The following PDE4D variants were observed in gnomAD, a reference collection of about 807,000 sequenced individuals.
PDE4D encodes 3',5'-cyclic-AMP phosphodiesterase 4D.
Under a neutral mutation model 87.4 loss-of-function variants are expected in PDE4D, and 24 were observed. The ratio of observed to expected loss-of-function variants is 0.27; its 90% CI spans 0.20 to 0.39. The LOEUF (loss-of-function observed/expected upper bound fraction) is 0.39, where lower values mean the gene tolerates loss of function less well. PDE4D is among the 10% of genes least tolerant of loss of function. The pLI, the probability that PDE4D is intolerant of heterozygous loss-of-function variation, is 1.00. For missense variants in PDE4D, 714 were observed against 1,041.0 expected, an observed-to-expected ratio of 0.69 and a Z score of 4.32; for synonymous variants, 384 against 383.2, an observed-to-expected ratio of 1.00 and a Z score of -0.02.
At chr5:60,111,316 C>T (rs1337529902) in intron 2 of PDE4D, among the ~76,000 whole-genome samples, 1 of 151,870 alleles carries the variant, frequency 6.6e-6, no homozygotes, top group African/African-American at 2.4e-5. Context: ...AAGAAAAAAC[C>T]TATCTGACCA....
intron 3 of PDE4D, among the ~76,000 whole-genome samples, chr5:59,971,605 T>C (rs1487222743): frequency 6.6e-6 from 1 of 152,094 alleles, no homozygotes. Context: ...TGAAGCCCAG[T>C]CCTTGTCTCC....
intron 1 of PDE4D, among the ~76,000 whole-genome samples, chr5:59,409,443 G>T (rs1792277656): frequency 6.6e-6 from 1 of 152,160 alleles, no homozygotes; most frequent in African/African-American, 2.4e-5. Context: ...CTCATATTGG[G>T]ATGTAATCCC....
intron 2 of PDE4D, among the ~76,000 whole-genome samples, chr5:60,059,594 A>G (rs1182922401): frequency 6.6e-6 from 1 of 152,018 alleles, no homozygotes; most frequent in Non-Finnish European, 1.5e-5. Context: ...GGATATAAAT[A>G]TGACAGACTG....
At position 59,280,848 on chromosome 5, in the gene PDE4D, G is replaced by A. The variant is rs187189861; in HGVS notation, c.456-64880C>T. 7.9e-5 allele frequency among the ~76,000 whole-genome samples: 12 copies of A among 151,596 alleles called. No individual in the cohort carries two copies. In the East Asian group the frequency reaches 1.9e-3, roughly 25 times the overall value. On this transcript the variant is annotated intron_variant, in intron 1 of 14. Coordinates refer to ENST00000340635, the MANE Select transcript of PDE4D (RefSeq NM_001104631.2). ...TTGCCTCTTCCAAATGTTACTATTT[G>A]TAAGAGATTTTTTCCTCTGGGGTAT...
chr5:59,094,879 G>A (rs922038045), intron 5 of PDE4D, among the ~76,000 whole-genome samples: 5 of 151,944 alleles, frequency 3.3e-5, no homozygotes, highest in African/African-American at 1.2e-4. Flanking sequence ...AGAATTAGGG[G>A]TCTTCTTGTC....
At chr5:59,402,493 C>T (rs527347947) in intron 1 of PDE4D, among the ~76,000 whole-genome samples, 29 of 152,138 alleles carry the variant, frequency 1.9e-4, no homozygotes, top group African/African-American at 5.3e-4. Flanking sequence ...ATAAAGAGCA[C>T]GACAAGTCCC....
intron 1 of PDE4D, among the ~76,000 whole-genome samples, chr5:59,613,319 C>T (rs184472830): frequency 1.3e-5 from 2 of 152,250 alleles, no homozygotes; most frequent in Admixed American, 1.3e-4. Flanking sequence ...AAGAGCAATA[C>T]TTTGGTTTTG....
intron 1 of PDE4D, among the ~76,000 whole-genome samples, chr5:59,714,953 A>G (rs1180945958): frequency 6.6e-6 from 1 of 152,210 alleles, no homozygotes; most frequent in Non-Finnish European, 1.5e-5. Flanking sequence ...GTGACCACAG[A>G]TGGTTTTGGC....
chr5:59,737,043 T>C (rs1406019308), intron 1 of PDE4D, among the ~76,000 whole-genome samples: 1 of 152,120 alleles, frequency 6.6e-6, no homozygotes, highest in Non-Finnish European at 1.5e-5. Context: ...GTTACAGATG[T>C]TTTTCACAGC....
At chr5:59,832,372 G>C (rs1182989287) in intron 1 of PDE4D, among the ~76,000 whole-genome samples, 1 of 152,054 alleles carries the variant, frequency 6.6e-6, no homozygotes, top group Non-Finnish European at 1.5e-5. Flanking sequence ...TGGGATCATG[G>C]AGGAGAGAAA....
intron 1 of PDE4D, among the ~76,000 whole-genome samples, chr5:59,722,981 A>T (rs1756068630): frequency 6.6e-6 from 1 of 152,078 alleles, no homozygotes; most frequent in African/African-American, 2.4e-5. Flanking sequence ...CTTCATTATT[A>T]TATAGTCATG....
In PDE4D at chr5:59,273,883, A is replaced by G. The variant is rs566001279; in HGVS notation, c.456-57915T>C. 3.3e-5 allele frequency among the ~76,000 whole-genome samples: 5 copies of G among 152,276 alleles called. No homozygotes were observed. The East Asian group carries it at 9.7e-4, about 29-fold the overall frequency. Reference sequence around the variant, plus strand: ...GTGTCAATGTTACTCATCTCCTGAAATGAACAAATTATTTCCAATTGAAAC... The same window carrying G: ...GTGTCAATGTTACTCATCTCCTGAAGTGAACAAATTATTTCCAATTGAAAC... On this transcript the variant is annotated intron_variant, in intron 1 of 14. Transcript: ENST00000340635.
In PDE4D at chr5:60,012,684, G is replaced by A. The variant is rs185298367; in HGVS notation, c.43-23967C>T. On this transcript the variant is annotated intron_variant, in intron 2 of 16. Transcript: ENST00000502484. ...CTGTGTGAGTACTACAAATGCCATC[G>A]ACAGCTTCATAGCCTGACAGTTTCT... Among the ~76,000 whole-genome samples, 479 of 152,254 alleles carry A rather than the reference G, an allele frequency of 3.1e-3. 4 individuals are homozygous for A. Among genetic ancestry groups the A allele is most frequent in the African/African-American group, 0.011 (460 of 41,530 alleles).
At chr5:59,688,543 C>T (rs1253528336) in intron 1 of PDE4D, among the ~76,000 whole-genome samples, 5 of 152,084 alleles carry the variant, frequency 3.3e-5, no homozygotes, top group South Asian at 4.1e-4. Flanking sequence ...CACAACATAC[C>T]AGAATCTCTG....
chr5:60,049,245 G>T (rs866121556), intron 2 of PDE4D, among the ~76,000 whole-genome samples: 2 of 152,010 alleles, frequency 1.3e-5, no homozygotes, highest in Non-Finnish European at 2.9e-5. Flanking sequence ...CTCTGTATTG[G>T]TTATTCTAGT....
rs142729302 is a variant in PDE4D at position 60,011,797 on chromosome 5, T to A, written c.43-23080A>T. Among the ~76,000 whole-genome samples, 191 of 152,246 alleles carry A rather than the reference T, an allele frequency of 1.3e-3. 1 individual carries two copies. Among genetic ancestry groups the A allele is most frequent in the African/African-American group, 4.5e-3 (185 of 41,534 alleles). The stretch of plus-strand genomic sequence containing the variant: ...AAAATATGGAGACCCTGTTTCCTAA[T>A]TAATAACTCGGTCATCAAAAATCTT... On this transcript the variant is annotated intron_variant, in intron 2 of 16. Coordinates refer to the PDE4D transcript ENST00000502484.
At chr5:60,425,254 G>T (rs1299710975) in intron 1 of PDE4D, among the ~76,000 whole-genome samples, 3 of 152,146 alleles carry the variant, frequency 2.0e-5, no homozygotes, top group Non-Finnish European at 4.4e-5. Flanking sequence ...GAAGAAAGCT[G>T]GAAGCATCAC....
chr5:59,437,959 G>A (rs1797021649), intron 1 of PDE4D, among the ~76,000 whole-genome samples: 1 of 152,094 alleles, frequency 6.6e-6, no homozygotes, highest in South Asian at 2.1e-4. Flanking sequence ...CTCTTCACAG[G>A]GTGGCAGGAG....
At chr5:60,219,299 A>C (rs1562230637) in intron 1 of PDE4D, among the ~76,000 whole-genome samples, 1 of 152,136 alleles carries the variant, frequency 6.6e-6, no homozygotes, top group African/African-American at 2.4e-5. Context: ...TAGATGTATG[A>C]CTTTTGTCAA....
Sources: gnomAD v4.1 joint callset for allele counts (sites outside exome capture counted in the v4.1 genomes callset) on GRCh38, gnomAD v4.1.1 for gene constraint, MANE v1.5 for transcripts, NCBI Gene and HGNC (gene_info 2026-07-23, HGNC 2026-07-21) for gene names.